The following CNRIP1 variants were observed in gnomAD, a reference collection of about 807,000 sequenced individuals.
The protein encoded by CNRIP1 is CB1 cannabinoid receptor-interacting protein 1.
A neutral mutation model predicts 15.2 loss-of-function variants in CNRIP1; 10 were observed. The observed-to-expected ratio is 0.66, with a 90% CI of 0.41 to 1.12. CNRIP1 has a LOEUF of 1.12. CNRIP1 is among the 50% of genes most tolerant of loss of function. The pLI is 0.00. For synonymous variants in CNRIP1, 91 were observed against 83.2 expected (o/e 1.09, Z -0.51); for missense variants, 211 against 214.7 (o/e 0.98, Z 0.11).
intron 2 of CNRIP1, among the ~76,000 whole-genome samples, chr2:68,302,845 CTTTTTTTT>C (rs1214086385): frequency 7.9e-6 from 1 of 126,278 alleles, no homozygotes; most frequent in African/African-American, 3.3e-5. Context: ...ATTTGAAAAA[CTTTTTTTT>C]TTTTTTTTTT....
In CNRIP1 at chr2:68,293,849, G is replaced by C; in HGVS notation, c.*13C>G. The C allele has an allele frequency of 6.2e-7, 1 of 1,611,872 alleles. No homozygotes were observed. Among genetic ancestry groups the C allele is most frequent in the Non-Finnish European group, 8.5e-7 (1 of 1,178,272 alleles). On this transcript the variant is annotated 3_prime_UTR_variant, in exon 3 of 3. Transcript: ENST00000263655. ...CTGAAAAGATTGTCCAGTAGCATCA[G>C]AAAGAGCCACTTTCAGAGGAAGGAC...
chr2:68,293,801 C>T lies in CNRIP1; in HGVS notation c.*61G>A, dbSNP rs1671246571. 3 of 1,584,618 alleles carry T rather than the reference C, an allele frequency of 1.9e-6. No individual in the cohort carries two copies. Among genetic ancestry groups the T allele is most frequent in the East Asian group, 2.2e-5 (1 of 44,454 alleles). On this transcript the variant is annotated 3_prime_UTR_variant, in exon 3 of 3. Coordinates refer to ENST00000263655, the MANE Select transcript of CNRIP1 (RefSeq NM_015463.3). ...TGGCATGCCTTGTTTAAGGCCTGCG[C>T]TGGTTTATCTAAAAGTAGATTTCTG...
downstream of CNRIP1, among the ~76,000 whole-genome samples, chr2:68,290,877 C>A (rs1431453406): frequency 2.0e-5 from 3 of 152,182 alleles, no homozygotes; most frequent in Admixed American, 6.5e-5. Context: ...TATTCTTCCA[C>A]CTGTTCAAAA....
At chr2:68,307,359 T>C (rs1224293037) in intron 2 of CNRIP1, among the ~76,000 whole-genome samples, 1 of 152,234 alleles carries the variant, frequency 6.6e-6, no homozygotes, top group Admixed American at 6.5e-5. Flanking sequence ...GATCACTCTG[T>C]GGCCCAGGCT....
At chr2:68,284,862 A>G (rs111702753) in intron 2 of CNRIP1, among the ~76,000 whole-genome samples, 137 of 152,198 alleles carry the variant, frequency 9.0e-4, no homozygotes, top group African/African-American at 3.0e-3. Context: ...AATTCTGTGA[A>G]GACTATAAAG....
chr2:68,308,252 A>C (rs756168271), intron 2 of CNRIP1, among the ~76,000 whole-genome samples: 9 of 152,018 alleles, frequency 5.9e-5, no homozygotes, highest in Non-Finnish European at 1.2e-4. Flanking sequence ...GTCATTGGGA[A>C]TTACTTTTAA....
intron 2 of CNRIP1, among the ~76,000 whole-genome samples, chr2:68,297,567 C>CAAAAAAAAAAAA (rs112601365): frequency 5.1e-5 from 5 of 98,864 alleles, no homozygotes; most frequent in Non-Finnish European, 8.5e-5. Context: ...GACACTGTCT[C>CAAAAAAAAAAAA]AAAAAAAAAA....
In CNRIP1 at chr2:68,319,601, C is replaced by T. The variant is rs1048644627; in HGVS notation, c.-201G>A. ...GAGCAGCTCCTTAGGCTGTGGCCCC[C>T]CTCCCCACTCGGCGAGGAAGCGGGC... On this transcript the variant is annotated 5_prime_UTR_variant, in exon 1 of 3. Coordinates refer to ENST00000263655, the MANE Select transcript of CNRIP1 (RefSeq NM_015463.3). The T allele has an allele frequency of 3.2e-5, 17 of 524,410 alleles. 1 individual carries two copies. Among genetic ancestry groups the T allele is most frequent in the Non-Finnish European group, 4.3e-5 (13 of 304,734 alleles). The allele number at this position is 524,410 out of a possible 1,614,324, so 32.5% of individuals were successfully genotyped here.
intron 2 of CNRIP1, among the ~76,000 whole-genome samples, chr2:68,299,466 G>T (rs1304642940): frequency 1.3e-5 from 2 of 152,102 alleles, no homozygotes; most frequent in African/African-American, 2.4e-5. Context: ...TGAGAAAGAT[G>T]ATCTCTTCTT....
downstream of CNRIP1, among the ~76,000 whole-genome samples, chr2:68,289,807 C>A (rs1372340744): frequency 6.6e-6 from 1 of 151,964 alleles, no homozygotes; most frequent in Admixed American, 6.6e-5. Flanking sequence ...TGAAATATAC[C>A]AAATAATGAT....
intron 2 of CNRIP1, among the ~76,000 whole-genome samples, chr2:68,308,880 A>C (rs1350778598): frequency 6.6e-6 from 1 of 152,084 alleles, no homozygotes; most frequent in Non-Finnish European, 1.5e-5. Context: ...TTCAGTGAGC[A>C]CTGAAATATC....
intron 1 of CNRIP1, among the ~76,000 whole-genome samples, chr2:68,317,598 GA>G (rs1672322616): frequency 6.6e-6 from 1 of 152,162 alleles, no homozygotes; most frequent in Non-Finnish European, 1.5e-5. Context: ...GTAGGATTGA[GA>G]ATACTGAACT....
chr2:68,309,361 C>T (rs1671989843), intron 2 of CNRIP1, among the ~76,000 whole-genome samples: 1 of 152,190 alleles, frequency 6.6e-6, no homozygotes, highest in African/African-American at 2.4e-5. Context: ...GAATTCAAGA[C>T]ATTCCTTCTA....
chr2:68,296,726 T>A (rs1375246510), intron 2 of CNRIP1, among the ~76,000 whole-genome samples: 1 of 152,068 alleles, frequency 6.6e-6, no homozygotes, highest in African/African-American at 2.4e-5. Context: ...CAACCTCTGC[T>A]GCCCGGGTTC....
rs111381692 is a variant in CNRIP1, at chr2:68,303,137, C to T, written c.331-9111G>A. ...CTGGGATTACAGGCGTGAGTCACCGCGCCCGGCCGAAAAACATTTTAAACT... is the reference window on the plus strand; with the variant it reads ...CTGGGATTACAGGCGTGAGTCACCGTGCCCGGCCGAAAAACATTTTAAACT... On this transcript the variant is annotated intron_variant, in intron 2 of 2. Transcript: ENST00000263655. Among the ~76,000 whole-genome samples, 1,414 of 152,256 alleles carry T rather than the reference C, an allele frequency of 9.3e-3. 22 individuals are homozygous for T. Among genetic ancestry groups the T allele is most frequent in the African/African-American group, 0.032 (1,339 of 41,532 alleles).
At chr2:68,316,558 C>CATATT (rs1034801467) in intron 2 of CNRIP1, 1 of 150,974 alleles carries the variant, frequency 6.6e-6, no homozygotes, top group Non-Finnish European at 1.5e-5. Context: ...TACTTGGGGC[C>CATATT]ATATTACCAG....
chr2:68,311,789 A>G (rs1558668633), intron 2 of CNRIP1, among the ~76,000 whole-genome samples: 5 of 151,160 alleles, frequency 3.3e-5, no homozygotes, highest in South Asian at 2.1e-4. Flanking sequence ...GAAAAAAAAA[A>G]AAAAAAAAAA....
Position 68,319,432 on chromosome 2 carries a change from G to A in CNRIP1, c.-32C>T, listed in dbSNP as rs567322574. On this transcript the variant is annotated 5_prime_UTR_variant, in exon 1 of 3. Coordinates refer to ENST00000263655, the MANE Select transcript of CNRIP1 (RefSeq NM_015463.3). Reference sequence around the variant, plus strand: ...GCGAGGGTCTGGCGCGGCGGCTCCGGGGGGCGGAGGACAGCGCCGGCTGCG... The same window carrying A: ...GCGAGGGTCTGGCGCGGCGGCTCCGAGGGGCGGAGGACAGCGCCGGCTGCG... The A allele has an allele frequency of 1.3e-6, 2 of 1,495,256 alleles. No individual in the cohort carries two copies. The highest frequency in any genetic ancestry group is 1.8e-6 in the Non-Finnish European group (2 of 1,123,830). 92.6% of individuals were successfully genotyped at this position (1,495,256 alleles called of 1,614,324 possible).
intron 2 of CNRIP1, among the ~76,000 whole-genome samples, chr2:68,314,174 G>A (rs145099707): frequency 6.6e-5 from 10 of 152,054 alleles, no homozygotes; most frequent in Admixed American, 2.6e-4. Flanking sequence ...TATAAAGTAT[G>A]TTTCCACCCT....
Sources: allele counts gnomAD v4.1 joint callset (sites outside exome capture counted in the v4.1 genomes callset), GRCh38; gene constraint gnomAD v4.1.1; transcripts MANE v1.5; gene names NCBI Gene and HGNC (gene_info 2026-07-23, HGNC 2026-07-21).